Variants in WWOX observed in about 807,000 individuals in gnomAD.
WWOX encodes the protein WW domain-containing oxidoreductase.
In WWOX, 69 loss-of-function variants were observed where a neutral mutation model predicts 46.2. That is an observed-to-expected ratio of 1.49 (90% CI 1.23 to 1.82). The LOEUF is 1.82. WWOX is among the 40% of genes most tolerant of loss of function. The probability of loss-of-function intolerance (pLI) is 0.00; values close to 1 mark genes in which losing one functional copy is unlikely to be tolerated. For synonymous variants in WWOX, 359 were observed against 202.6 expected (o/e 1.77, Z -6.56); for missense variants, 919 against 542.6 (o/e 1.69, Z -6.89).
chr16:78,618,464 T>C (rs1283630073), intron 8 of WWOX, among the ~76,000 whole-genome samples: 2 of 152,154 alleles, frequency 1.3e-5, no homozygotes, highest in East Asian at 3.9e-4. Context: ...TCTGTGTGCG[T>C]TTGCATCCTT....
At chr16:78,617,598 G>T (rs975723718) in intron 8 of WWOX, among the ~76,000 whole-genome samples, 1 of 152,140 alleles carries the variant, frequency 6.6e-6, no homozygotes, top group Non-Finnish European at 1.5e-5. Flanking sequence ...GAAAGCAGGT[G>T]ATGATCCCTG....
At chr16:78,655,772 C>G (rs989863823) in intron 8 of WWOX, among the ~76,000 whole-genome samples, 1 of 152,062 alleles carries the variant, frequency 6.6e-6, no homozygotes, top group South Asian at 2.1e-4. Context: ...CAATTATCAC[C>G]AAATGAAAGT....
At position 78,547,127 on chromosome 16, in the gene WWOX, GAAAAAAAAAAAA is replaced by G. The variant is rs199726097; in HGVS notation, c.1056+114396_1056+114407del. ...TGGGAGAGTGTGAGACCTTGTCTCAGAAAAAAAAAAAAAAAAAAAAAAAAAAAAAAAACAACT... is the reference window on the plus strand; with the variant it reads ...TGGGAGAGTGTGAGACCTTGTCTCAGAAAAAAAAAAAAAAAAAAAACAACT... On this transcript the variant is annotated intron_variant, in intron 8 of 8. Coordinates refer to ENST00000566780, the MANE Select transcript of WWOX (RefSeq NM_016373.4). Among the ~76,000 whole-genome samples, 217 of 87,498 alleles carry G rather than the reference GAAAAAAAAAAAA, an allele frequency of 2.5e-3. 3 individuals are homozygous for G. Among genetic ancestry groups the G allele is most frequent in the African/African-American group, 0.014 (205 of 14,648 alleles). The allele number at this position is 87,498 out of a possible 152,430, so 57.4% of individuals were successfully genotyped here.
chr16:78,439,621 G>C (rs1217477961), intron 8 of WWOX, among the ~76,000 whole-genome samples: 1 of 152,166 alleles, frequency 6.6e-6, no homozygotes, highest in African/African-American at 2.4e-5. Flanking sequence ...CTCCCTTTTA[G>C]TTACATAATT....
At chr16:79,051,460 T>G (rs532093518) in intron 8 of WWOX, among the ~76,000 whole-genome samples, 1 of 151,928 alleles carries the variant, frequency 6.6e-6, no homozygotes, top group South Asian at 2.1e-4. Context: ...GAAGACCTTT[T>G]GAGGTTGCCA....
At chr16:79,196,152 ATCC>A (rs2051235701) in intron 8 of WWOX, among the ~76,000 whole-genome samples, 1 of 152,232 alleles carries the variant, frequency 6.6e-6, no homozygotes, top group South Asian at 2.1e-4. Context: ...AGCAAAAATC[ATCC>A]TCTTCTCTGT....
chr16:78,825,449 A>T (rs113588035), intron 8 of WWOX: 1 of 375,326 alleles, frequency 2.7e-6, no homozygotes, highest in East Asian at 6.5e-5. Flanking sequence ...AGAACAAAAA[A>T]TGTTCCTGGT....
chr16:78,286,117 C>T (rs2079762538), intron 5 of WWOX, among the ~76,000 whole-genome samples: 1 of 152,184 alleles, frequency 6.6e-6, no homozygotes, highest in African/African-American at 2.4e-5. Context: ...GAAATATTTC[C>T]ATTCAGCTCA....
intron 4 of WWOX, among the ~76,000 whole-genome samples, chr16:78,135,156 C>T (rs570438915): frequency 1.1e-4 from 17 of 152,178 alleles, no homozygotes; most frequent in African/African-American, 2.7e-4. Context: ...TCAGGCTTCC[C>T]GTCTTGGGAT....
intron 8 of WWOX, among the ~76,000 whole-genome samples, chr16:78,808,490 C>G (rs941014774): frequency 3.3e-5 from 5 of 152,158 alleles, no homozygotes; most frequent in Non-Finnish European, 5.9e-5. Context: ...TACATATTTA[C>G]TAATTGATGA....
intron 8 of WWOX, among the ~76,000 whole-genome samples, chr16:78,656,982 C>T (rs561428554): frequency 4.6e-5 from 7 of 152,182 alleles, no homozygotes; most frequent in African/African-American, 7.2e-5. Flanking sequence ...TTAGGGTCTT[C>T]GGGCACATGG....
Position 78,109,963 on chromosome 16 carries a change from G to A in WWOX, c.230+128G>A, listed in dbSNP as rs2032394685. 4.0e-6 allele frequency: 4 copies of A among 994,186 alleles called. No homozygotes were observed. The Admixed American group carries it at 6.0e-5, about 15-fold the overall frequency. 61.6% of individuals were successfully genotyped at this position (994,186 alleles called of 1,614,324 possible). On this transcript the variant is annotated intron_variant, in intron 3 of 8. Transcript: ENST00000566780. The stretch of plus-strand genomic sequence containing the variant: ...ACAGTGTGTATCTGTAATCTTAGCA[G>A]AAGTGACTACTTTTAACATCGCTGG...
In WWOX at chr16:78,532,760, G is replaced by C. The variant is rs760666715; in HGVS notation, c.1056+100008G>C. Among the ~76,000 whole-genome samples the C allele has an allele frequency of 7.9e-5, 12 of 152,112 alleles. No individual in the cohort carries two copies. In the South Asian group the frequency reaches 2.5e-3, roughly 32 times the overall value. Reference sequence around the variant, plus strand: ...CTTATGATACCGTCAGATTCCTTGAGACTTATTTGCTATTGTGAGAACACC... The same window carrying C: ...CTTATGATACCGTCAGATTCCTTGACACTTATTTGCTATTGTGAGAACACC... On this transcript the variant is annotated intron_variant, in intron 8 of 8. Coordinates refer to ENST00000566780, the MANE Select transcript of WWOX (RefSeq NM_016373.4).
At chr16:78,234,456 G>A (rs1003261852) in intron 5 of WWOX, among the ~76,000 whole-genome samples, 29 of 152,198 alleles carry the variant, frequency 1.9e-4, no homozygotes, top group African/African-American at 6.5e-4. Flanking sequence ...GGCTAAAGTG[G>A]CCATGTTTTT....
chr16:78,217,560 C>G (rs991070186), intron 5 of WWOX, among the ~76,000 whole-genome samples: 8 of 152,120 alleles, frequency 5.3e-5, no homozygotes, highest in East Asian at 1.9e-4. Flanking sequence ...CTGAACCACT[C>G]TCTTCTCCCA....
chr16:78,247,337 A>G (rs1054893764), intron 5 of WWOX, among the ~76,000 whole-genome samples: 2 of 152,102 alleles, frequency 1.3e-5, no homozygotes, highest in African/African-American at 2.4e-5. Context: ...TTAGCGAACA[A>G]TGCACCCGTT....
chr16:78,735,486 A>G (rs1567524929), intron 8 of WWOX, among the ~76,000 whole-genome samples: 1 of 151,854 alleles, frequency 6.6e-6, no homozygotes, highest in Non-Finnish European at 1.5e-5. Flanking sequence ...TCCTGTTTTG[A>G]CGTGCTTGAA....
At chr16:78,759,821 A>G (rs569420304) in intron 8 of WWOX, among the ~76,000 whole-genome samples, 6 of 152,144 alleles carry the variant, frequency 3.9e-5, no homozygotes, top group Non-Finnish European at 7.4e-5. Flanking sequence ...TGGAGTGAAA[A>G]TCAAAATGTT....
chr16:79,184,929 A>G (rs545799698), intron 8 of WWOX, among the ~76,000 whole-genome samples: 1 of 152,328 alleles, frequency 6.6e-6, no homozygotes, highest in Non-Finnish European at 1.5e-5. Context: ...GGCTGTAGGG[A>G]TTCTCCTTTA....
Sources: gnomAD v4.1 joint callset for allele counts (sites outside exome capture counted in the v4.1 genomes callset) on GRCh38, gnomAD v4.1.1 for gene constraint, MANE v1.5 for transcripts, NCBI Gene and HGNC (gene_info 2026-07-23, HGNC 2026-07-21) for gene names.